The following SHANK1 variants were observed in gnomAD, a reference collection of about 807,000 sequenced individuals.
The protein encoded by SHANK1 is SH3 and multiple ankyrin repeat domains 1, also known as SH3 and multiple ankyrin repeat domains protein 1.
A neutral mutation model predicts 165.6 loss-of-function variants in SHANK1; 35 were observed. The ratio of observed to expected loss-of-function variants is 0.21; its 90% CI spans 0.16 to 0.28. The LOEUF (loss-of-function observed/expected upper bound fraction) is 0.28, where lower values mean the gene tolerates loss of function less well. Ranked by LOEUF, SHANK1 falls within the 10% of genes least tolerant of loss-of-function variation. The probability of loss-of-function intolerance (pLI) is 1.00; values close to 1 mark genes in which losing one functional copy is unlikely to be tolerated. For missense variants in SHANK1, 2,681 were observed against 3,036.4 expected (o/e 0.88, Z 2.75); for synonymous variants, 1,428 against 1,384.8 (o/e 1.03, Z -0.69).
intron 15 of SHANK1, among the ~76,000 whole-genome samples, chr19:50,694,375 T>C (rs1282590711): frequency 1.5e-5 from 2 of 136,416 alleles, no homozygotes; most frequent in Non-Finnish European, 3.2e-5. Context: ...GGGGTATGAA[T>C]GGGGGGACTT....
chr19:50,676,845 C>T (rs192778728), intron 21 of SHANK1, among the ~76,000 whole-genome samples: 22 of 152,246 alleles, frequency 1.4e-4, no homozygotes, highest in East Asian at 3.9e-4. Context: ...GAAGGCCAAC[C>T]GGGATGCCCA....
intron 19 of SHANK1, among the ~76,000 whole-genome samples, chr19:50,687,342 A>G (rs1986383721): frequency 6.6e-6 from 1 of 152,066 alleles, no homozygotes; most frequent in African/African-American, 2.4e-5. Flanking sequence ...GAGAGGGTAC[A>G]TACAGACCCT....
At chr19:50,693,021 C>T (rs1385593702) in intron 15 of SHANK1, among the ~76,000 whole-genome samples, 2 of 151,536 alleles carry the variant, frequency 1.3e-5, no homozygotes, top group African/African-American at 4.9e-5. Context: ...ATCTCACTGG[C>T]TCCCCTAAAG....
At chr19:50,669,785 C>T (rs1985724187) in intron 22 of SHANK1, among the ~76,000 whole-genome samples, 1 of 149,670 alleles carries the variant, frequency 6.7e-6, no homozygotes, top group South Asian at 2.1e-4. Context: ...AAAAAAAAAT[C>T]AGGTAAACGA....
In SHANK1 at chr19:50,686,439, C is replaced by A. The variant is rs1986339231; in HGVS notation, c.2459-84G>T. Reference sequence around the variant, plus strand: ...CGGGCCGCAAAGACCAGAGCTGCCGCCCGCAGTTCATCCAGCACCTGGATC... The same window carrying A: ...CGGGCCGCAAAGACCAGAGCTGCCGACCGCAGTTCATCCAGCACCTGGATC... On this transcript the variant is annotated intron_variant, in intron 20 of 23. Transcript: ENST00000293441. The surrounding 1 kb of genome is among the most constrained non-coding windows in gnomAD (Gnocchi z 5.7). The A allele has an allele frequency of 5.0e-6, 5 of 1,005,552 alleles. 1 individual carries two copies. In the East Asian group the frequency reaches 1.2e-4, roughly 25 times the overall value. The allele number at this position is 1,005,552 out of a possible 1,614,324, so 62.3% of individuals were successfully genotyped here.
rs2089108694 is a variant in SHANK1, at chr19:50,719,403, T to G, written c.-44+3A>C. 6.9e-6 allele frequency: 1 copy of G among 144,100 alleles called. No individual in the cohort carries two copies. The highest frequency in any genetic ancestry group is 2.5e-5 in the African/African-American group (1 of 39,320). 8.9% of individuals were successfully genotyped at this position (144,100 alleles called of 1,614,324 possible). A position where few individuals can be genotyped will look rare whatever the true frequency, so the allele number is the denominator to read the frequency against. On this transcript the variant is annotated splice_donor_region_variant and intron_variant, in intron 1 of 23. Coordinates refer to ENST00000293441, the MANE Select transcript of SHANK1 (RefSeq NM_016148.5). Reference sequence around the variant, plus strand: ...CAAACCCCCAGGTTCTCGACCCCCTTACCTGCCTGGCGGGGCTGCTGAGTC... The same window carrying G: ...CAAACCCCCAGGTTCTCGACCCCCTGACCTGCCTGGCGGGGCTGCTGAGTC...
chr19:50,688,939 T>C lies in SHANK1; in HGVS notation c.2077A>G (p.Thr693Ala), dbSNP rs1408850132. Reference sequence around the variant, plus strand: ...TACTGCAGCGCCGGGAAGGCCGGGGTGGGGGTGAACTCCTCGATGGGGGTC... The same window carrying C: ...TACTGCAGCGCCGGGAAGGCCGGGGCGGGGGTGAACTCCTCGATGGGGGTC... ...AQTPIEEFTPTPAFPALQYLE... is the reference protein window; with the variant it reads ...AQTPIEEFTPAPAFPALQYLE... The change falls in exon 17 of 24, where the codon ACC becomes GCC. Residue 693 changes from threonine (T) to alanine (A), a missense_variant. This residue lies in a region of SHANK1 where 147 missense variants were observed against 256.5 expected (regional missense o/e 0.57). Transcript: ENST00000293441. This position sits in a 1 kb window ranked among gnomAD's most constrained non-coding sequence, Gnocchi z 6.7. The C allele has an allele frequency of 1.9e-6, 3 of 1,543,152 alleles. No homozygotes were observed. In the Admixed American group the frequency reaches 5.9e-5, roughly 30 times the overall value.
intron 12 of SHANK1, among the ~76,000 whole-genome samples, chr19:50,699,914 G>A (rs1424270658): frequency 7.0e-6 from 1 of 142,444 alleles, no homozygotes; most frequent in Non-Finnish European, 1.5e-5. Context: ...GGATTGGAGG[G>A]CTCGGGGCAT....
In SHANK1 at chr19:50,662,250, TC is replaced by T; in HGVS notation, c.6200del (p.Gly2067GlufsTer66). ...PHPGISGGLG[G>X]ALSGASRSLS... ...GGGAGCGCGAGGCCCCTGACAAGGCTCCCCCGAGCCCCCCGGATATCCCCGG... is the reference window on the plus strand; with the variant it reads ...GGGAGCGCGAGGCCCCTGACAAGGCTCCCCGAGCCCCCCGGATATCCCCGG... On this transcript the variant is annotated frameshift_variant, in exon 24 of 24. Coordinates refer to ENST00000293441, the MANE Select transcript of SHANK1 (RefSeq NM_016148.5). LOFTEE classifies it low-confidence loss of function (END_TRUNC). The surrounding 1 kb of genome is among the most constrained non-coding windows in gnomAD (Gnocchi z 7.7). 6.2e-7 allele frequency: 1 copy of T among 1,609,964 alleles called. No individual in the cohort carries two copies.
chr19:50,704,085 G>A (rs2088906161), intron 10 of SHANK1, 35 bp downstream of exon 10: 1 of 1,607,920 alleles, frequency 6.2e-7, no homozygotes, highest in Middle Eastern at 1.7e-4. Flanking sequence ...AACCGCCCCA[G>A]GTTCTCTGTG....
chr19:50,665,902 A>ATGCCTGTAACCCCAGCTACT, intron 23 of SHANK1, among the ~76,000 whole-genome samples: 1 of 135,746 alleles, frequency 7.4e-6, no homozygotes, highest in South Asian at 2.5e-4. Context: ...GTGTGGTGGC[A>ATGCCTGTAACCCCAGCTACT]TGGGAGGCTG....
At chr19:50,698,063 A>G (rs1189642188) in intron 12 of SHANK1, 107 bp from the exon 13 acceptor site, 1 of 787,520 alleles carries the variant, frequency 1.3e-6, no homozygotes, top group Non-Finnish European at 2.1e-6. Context: ...CTCCTGGCCC[A>G]AGGCCATCCT....
intron 15 of SHANK1, among the ~76,000 whole-genome samples, chr19:50,694,019 CCACACACACACACACACACA>C (rs398034977): frequency 1.9e-4 from 26 of 138,686 alleles, no homozygotes; most frequent in South Asian, 7.4e-4. Flanking sequence ...CCAGCACACA[CCACACACACACACACACACA>C]CACACACACA....
In SHANK1 at chr19:50,690,049, G is replaced by T. The variant is rs35402761; in HGVS notation, c.1965-770C>A. Among the ~76,000 whole-genome samples, 1 of 151,998 alleles carries T rather than the reference G, an allele frequency of 6.6e-6. No individual in the cohort carries two copies. The highest frequency in any genetic ancestry group is 3.2e-3 in the Middle Eastern group (1 of 316). On this transcript the variant is annotated intron_variant, in intron 15 of 23. Transcript: ENST00000293441. The surrounding 1 kb of genome is among the most constrained non-coding windows in gnomAD (Gnocchi z 4.9). ...TCCAAGTGTGCAGAAGCTGCACATG[G>T]CTGGTGGCCACCACATTGGACAGTA...
intron 22 of SHANK1, among the ~76,000 whole-genome samples, chr19:50,671,422 A>T (rs1985789193): frequency 1.3e-5 from 2 of 150,742 alleles, no homozygotes; most frequent in Admixed American, 1.3e-4. Context: ...TGACCTTGTG[A>T]TCTGCCTGCC....
In SHANK1 at chr19:50,719,590, C is replaced by G. The variant is rs1213393536; in HGVS notation, c.-228G>C. 3 of 148,368 alleles carry G rather than the reference C, an allele frequency of 2.0e-5. No individual in the cohort carries two copies. Among genetic ancestry groups the G allele is most frequent in the Non-Finnish European group, 4.5e-5 (3 of 66,098 alleles). The allele number at this position is 148,368 out of a possible 1,614,324, so 9.2% of individuals were successfully genotyped here. A position where few individuals can be genotyped will look rare whatever the true frequency, so the allele number is the denominator to read the frequency against. On this transcript the variant is annotated 5_prime_UTR_variant, in exon 1 of 24. Transcript: ENST00000293441. ...GGGCGGGAGGGCCGAGGACCTCACC[C>G]CCCCCGCGGGCCGGGCCTGGCCATC...
chr19:50,696,574 C>T (rs537506844), intron 15 of SHANK1, among the ~76,000 whole-genome samples: 1 of 152,220 alleles, frequency 6.6e-6, no homozygotes, highest in African/African-American at 2.4e-5. Flanking sequence ...CCCTCCCTCC[C>T]CCACAGCCCT....
rs373924034 is a variant in SHANK1, at chr19:50,662,039, C to T, written c.6412G>A (p.Val2138Ile). 29 of 1,614,080 alleles carry T rather than the reference C, an allele frequency of 1.8e-5. No homozygotes were observed. The highest frequency in any genetic ancestry group is 1.6e-4 in the Middle Eastern group (1 of 6,084). ...HLPALTKEDYVDLGVTRVGHR... is the reference protein window; with the variant it reads ...HLPALTKEDYIDLGVTRVGHR... The stretch of plus-strand genomic sequence containing the variant: ...CCCACCCTGGTCACACCTAGATCGA[C>T]GTAGTCCTCCTTGGTCAAGGCGGGC... The change falls in exon 24 of 24, where the codon GTC (valine) becomes ATC (isoleucine). Residue 2138 changes from valine to isoleucine, a missense_variant. Physicochemically the swap from Val to Ile is conservative, Grantham distance 29 (BLOSUM62 3). Transcript: ENST00000293441. This position sits in a 1 kb window ranked among gnomAD's most constrained non-coding sequence, Gnocchi z 7.7.
chr19:50,661,794 G>A lies in SHANK1; in HGVS notation c.*171C>T. ...TGCCCCCCTTCAGTGAGGTGCAAAT[G>A]TCCGGCCTGGATTGGGCCACCTGGT... On this transcript the variant is annotated 3_prime_UTR_variant, in exon 24 of 24. Transcript: ENST00000293441. The A allele has an allele frequency of 3.0e-6, 2 of 658,874 alleles. No homozygotes were observed. Among genetic ancestry groups the A allele is most frequent in the African/African-American group, 1.8e-5 (1 of 55,100 alleles). The allele number at this position is 658,874 out of a possible 1,614,324, so 40.8% of individuals were successfully genotyped here.
Sources: allele counts gnomAD v4.1 joint callset (sites outside exome capture counted in the v4.1 genomes callset), GRCh38; gene constraint gnomAD v4.1.1; regional missense constraint gnomAD v4.1.1; non-coding constraint Gnocchi (gnomAD v3.1); transcripts MANE v1.5; gene names NCBI Gene and HGNC (gene_info 2026-07-23, HGNC 2026-07-21).